SYNPR: variants seen among roughly 807,000 people sequenced by gnomAD.
SYNPR encodes the protein synaptoporin.
A neutral mutation model predicts 32.9 loss-of-function variants in SYNPR; 23 were observed. The ratio of observed to expected loss-of-function variants is 0.70; its 90% CI spans 0.50 to 0.99. The LOEUF is 0.99. Ranked by LOEUF, SYNPR falls within the 50% of genes least tolerant of loss-of-function variation. The pLI, the probability that SYNPR is intolerant of heterozygous loss-of-function variation, is 0.00. For missense variants in SYNPR, 318 were observed against 349.3 expected (o/e 0.91, Z 0.71); for synonymous variants, 146 against 135.9 (o/e 1.07, Z -0.52).
Position 63,511,293 on chromosome 3 carries a change from T to A in SYNPR, c.209+30337T>A, listed in dbSNP as rs1215729677. 2.0e-5 allele frequency among the ~76,000 whole-genome samples: 3 copies of A among 152,170 alleles called. No homozygotes were observed. In the East Asian group the frequency reaches 5.8e-4, roughly 30 times the overall value. On this transcript the variant is annotated intron_variant, in intron 3 of 5. Coordinates refer to ENST00000478300, the MANE Select transcript of SYNPR (RefSeq NM_001130003.2). The stretch of plus-strand genomic sequence containing the variant: ...GGTAGTTTCTCTGTTTAACATTCCT[T>A]GTAAGAAAGAGGAGGAGTTCATATC...
At chr3:63,402,324 G>A (rs1048033507) in intron 2 of SYNPR, among the ~76,000 whole-genome samples, 1 of 152,122 alleles carries the variant, frequency 6.6e-6, no homozygotes, top group Non-Finnish European at 1.5e-5. Flanking sequence ...CTGGGGCCTG[G>A]GGCTAAGGGT....
chr3:63,304,265 G>A (rs948559416), intron 2 of SYNPR, among the ~76,000 whole-genome samples: 9 of 151,834 alleles, frequency 5.9e-5, no homozygotes, highest in African/African-American at 1.5e-4. Context: ...AAAGAAAGAC[G>A]TAACTGATTC....
intron 2 of SYNPR, among the ~76,000 whole-genome samples, chr3:63,409,282 AT>A (rs932497087): frequency 1.6e-4 from 24 of 151,478 alleles, no homozygotes; most frequent in African/African-American, 4.4e-4. Flanking sequence ...CTAAACATCG[AT>A]TTTTTTTTGT....
chr3:63,263,264 A>G (rs1318943952), intron 2 of SYNPR, among the ~76,000 whole-genome samples: 1 of 152,226 alleles, frequency 6.6e-6, no homozygotes, highest in Non-Finnish European at 1.5e-5. Context: ...TCTGTCAGCC[A>G]CTTGGACCAC....
chr3:63,387,695 C>T (rs1048747356), intron 2 of SYNPR, among the ~76,000 whole-genome samples: 2 of 152,124 alleles, frequency 1.3e-5, no homozygotes, highest in Non-Finnish European at 2.9e-5. Context: ...GTGATTCATC[C>T]TTCTAGGCCA....
chr3:63,437,444 G>A (rs988655764), intron 2 of SYNPR, among the ~76,000 whole-genome samples: 2 of 152,066 alleles, frequency 1.3e-5, no homozygotes, highest in African/African-American at 4.8e-5. Flanking sequence ...CGGGTTTCAG[G>A]CAGGAAATAG....
intron 2 of SYNPR, among the ~76,000 whole-genome samples, chr3:63,462,881 T>C (rs80004665): frequency 2.0e-3 from 300 of 152,252 alleles, no homozygotes; most frequent in African/African-American, 7.1e-3. Flanking sequence ...TTGTTTTCAG[T>C]TTCCTGTAAG....
intron 2 of SYNPR, among the ~76,000 whole-genome samples, chr3:63,402,776 T>A (rs2088309686): frequency 6.6e-6 from 1 of 152,162 alleles, no homozygotes; most frequent in South Asian, 2.1e-4. Flanking sequence ...TGGTACAGAG[T>A]GGCAGCTGGA....
intron 2 of SYNPR, among the ~76,000 whole-genome samples, chr3:63,319,792 A>G (rs2087088438): frequency 6.6e-6 from 1 of 151,948 alleles, no homozygotes; most frequent in African/African-American, 2.4e-5. Flanking sequence ...TTAAAAAGAA[A>G]TTGTCTAAAA....
chr3:63,422,383 G>A (rs910528204), intron 2 of SYNPR, among the ~76,000 whole-genome samples: 1 of 151,998 alleles, frequency 6.6e-6, no homozygotes. Context: ...ACTATTTTAA[G>A]AACAAGATGA....
chr3:63,412,153 T>A (rs2088474828), intron 2 of SYNPR, among the ~76,000 whole-genome samples: 1 of 152,204 alleles, frequency 6.6e-6, no homozygotes, highest in East Asian at 1.9e-4. Context: ...GATGGGCAAC[T>A]GATACAAGGA....
chr3:63,254,964 C>A (rs2086369273), intron 2 of SYNPR, among the ~76,000 whole-genome samples: 1 of 152,064 alleles, frequency 6.6e-6, no homozygotes, highest in South Asian at 2.1e-4. Flanking sequence ...AGGAGAGAGG[C>A]CTCAAAAGAA....
intron 1 of SYNPR, among the ~76,000 whole-genome samples, chr3:63,247,637 G>A (rs145345352): frequency 5.9e-5 from 9 of 152,176 alleles, no homozygotes; most frequent in African/African-American, 1.7e-4. Flanking sequence ...AAAGGGCTCC[G>A]TCATCCAGCT....
intron 3 of SYNPR, among the ~76,000 whole-genome samples, chr3:63,510,074 G>C (rs1477905421): frequency 1.3e-5 from 2 of 152,018 alleles, no homozygotes; most frequent in Non-Finnish European, 2.9e-5. Context: ...TTAAGAGTGG[G>C]GTTGATGGTG....
At chr3:63,306,826 TC>T (rs34602947) in intron 2 of SYNPR, among the ~76,000 whole-genome samples, 1 of 152,024 alleles carries the variant, frequency 6.6e-6, no homozygotes, top group African/African-American at 2.4e-5. Context: ...GGAAGGCACA[TC>T]CATTGGTCTA....
Position 63,604,081 on chromosome 3 carries a change from T to C in SYNPR, c.409-5044T>C, listed in dbSNP as rs750365773. Among the ~76,000 whole-genome samples the C allele has an allele frequency of 4.9e-4, 75 of 152,108 alleles. 1 individual carries two copies. The highest frequency in any genetic ancestry group is 1.8e-4 in the Non-Finnish European group (12 of 67,988). ...TTCCTCCTGGTTCAATCTTGGGAAA[T>C]TTCCAGGAATTTGTCCATGTCTTCT... On this transcript the variant is annotated intron_variant, in intron 4 of 5. Coordinates refer to ENST00000478300, the MANE Select transcript of SYNPR (RefSeq NM_001130003.2).
At chr3:63,455,486 T>C (rs796494088) in intron 2 of SYNPR, among the ~76,000 whole-genome samples, 18 of 152,168 alleles carry the variant, frequency 1.2e-4, no homozygotes, top group African/African-American at 3.6e-4. Flanking sequence ...GCTACATTTT[T>C]CCCCCAACTA....
At chr3:63,564,497 T>A (rs1032354507) in intron 4 of SYNPR, among the ~76,000 whole-genome samples, 1 of 50,738 alleles carries the variant, frequency 2.0e-5, no homozygotes, top group African/African-American at 1.3e-4. Flanking sequence ...GCCCAGCCGG[T>A]GTGTGTGTGT....
intron 2 of SYNPR, among the ~76,000 whole-genome samples, chr3:63,364,992 T>C (rs1472178964): frequency 2.0e-5 from 3 of 152,108 alleles, no homozygotes; most frequent in East Asian, 1.9e-4. Context: ...AGAATAAAGA[T>C]AAATGAAAAG....
Sources: gnomAD v4.1 joint callset for allele counts (sites outside exome capture counted in the v4.1 genomes callset) on GRCh38, gnomAD v4.1.1 for gene constraint, MANE v1.5 for transcripts, NCBI Gene and HGNC (gene_info 2026-07-23, HGNC 2026-07-21) for gene names.